Variants in C10orf105 observed in about 807,000 individuals in gnomAD.
The protein encoded by C10orf105 is uncharacterized protein C10orf105.
Under a neutral mutation model 0.6 loss-of-function variants are expected in C10orf105, and 2 were observed. The ratio of observed to expected loss-of-function variants is 3.18; its 90% CI spans 1.30 to 10.01. The LOEUF (loss-of-function observed/expected upper bound fraction) is 10.01. C10orf105 is among the 30% of genes most tolerant of loss of function. The pLI is 0.04. For synonymous variants in C10orf105, 95 were observed against 82.4 expected (o/e 1.15, Z -0.83); for missense variants, 209 against 191.4 (o/e 1.09, Z -0.54).
rs1425637643 is a variant in C10orf105, at chr10:71,713,304, A to C, written c.*2632T>G. ...ACAGCTCCAAGGCTCAGAGGGAGAG[A>C]AGGGAGGACCCTGAAAACAATTTGG... On this transcript the variant is annotated 3_prime_UTR_variant, in exon 2 of 2. Coordinates refer to ENST00000441508, the MANE Select transcript of C10orf105 (RefSeq NM_001164375.3). The C allele has an allele frequency of 2.6e-6, 2 of 779,014 alleles. No individual in the cohort carries two copies. The highest frequency in any genetic ancestry group is 3.4e-5 in the Admixed American group (2 of 58,990). 48.3% of individuals were successfully genotyped at this position (779,014 alleles called of 1,614,324 possible).
At chr10:71,732,502 G>C in intron 1 of C10orf105, 5 of 1,404,796 alleles carry the variant, frequency 3.6e-6, no homozygotes, top group Non-Finnish European at 4.8e-6. Context: ...TGTGGTGTTA[G>C]GTACCTGTAG....
At chr10:71,728,447 A>G (rs1866912494) in intron 1 of C10orf105, among the ~76,000 whole-genome samples, 1 of 151,998 alleles carries the variant, frequency 6.6e-6, no homozygotes, top group Non-Finnish European at 1.5e-5. Flanking sequence ...AGAGTCCTCC[A>G]CTGGTCAGGC....
Position 71,713,462 on chromosome 10 carries a change from C to T in C10orf105, c.*2474G>A, listed in dbSNP as rs1866074707. On this transcript the variant is annotated 3_prime_UTR_variant, in exon 2 of 2. Coordinates refer to ENST00000441508, the MANE Select transcript of C10orf105 (RefSeq NM_001164375.3). ...GCCAAACAGGGAATCTGGGCCTGCC[C>T]ACTGGGGCAGGCTCCCGGGCTTGGG... The T allele has an allele frequency of 6.8e-6, 4 of 587,690 alleles. No homozygotes were observed. Among genetic ancestry groups the T allele is most frequent in the South Asian group, 2.0e-5 (1 of 48,994 alleles). 36.4% of individuals were successfully genotyped at this position (587,690 alleles called of 1,614,324 possible).
At position 71,715,692 on chromosome 10, in the gene C10orf105, A is replaced by G. The variant is rs1015736346; in HGVS notation, c.*244T>C. On this transcript the variant is annotated 3_prime_UTR_variant, in exon 2 of 2. Transcript: ENST00000441508. ...AAGGCCCAGATGACCACGAGTGCAC[A>G]TCTCTTGACCAGAAGTCTTTCATCA... 8 of 380,404 alleles carry G rather than the reference A, an allele frequency of 2.1e-5. No homozygotes were observed. Among genetic ancestry groups the G allele is most frequent in the Admixed American group, 1.7e-4 (4 of 23,674 alleles). 23.6% of individuals were successfully genotyped at this position (380,404 alleles called of 1,614,324 possible). A position where few individuals can be genotyped will look rare whatever the true frequency, so the allele number is the denominator to read the frequency against.
chr10:71,737,593 T>C (rs750852021), intron 1 of C10orf105: 1 of 438,636 alleles, frequency 2.3e-6, no homozygotes, highest in Non-Finnish European at 4.6e-6. Context: ...TGGGAGCCCC[T>C]GAACCCCACA....
At chr10:71,725,988 TA>T (rs1207613664) in intron 1 of C10orf105, among the ~76,000 whole-genome samples, 1 of 152,180 alleles carries the variant, frequency 6.6e-6, no homozygotes, top group African/African-American at 2.4e-5. Context: ...GACCCTAATA[TA>T]TTCCAGTCAC....
At position 71,734,525 on chromosome 10, in the gene C10orf105, C is replaced by A. The variant is rs956901516; in HGVS notation, c.-6+3203G>T. On this transcript the variant is annotated intron_variant, in intron 1 of 1. Coordinates refer to the C10orf105 transcript ENST00000398786. ...CCCAGCAGGTTGGGCTAGGATGAGA[C>A]CTCAGGCAGGTGGAGGGTGGCACCT... The A allele has an allele frequency of 1.8e-5, 29 of 1,601,090 alleles. No homozygotes were observed. In the African/African-American group the frequency reaches 3.1e-4, roughly 17 times the overall value.
upstream of C10orf105, among the ~76,000 whole-genome samples, chr10:71,721,070 C>G (rs1338929743): frequency 6.6e-6 from 1 of 152,228 alleles, no homozygotes; most frequent in East Asian, 1.9e-4. Context: ...CTGTGGCCCC[C>G]ATTCCTCCTG....
intron 1 of C10orf105, chr10:71,717,066 G>A (rs1866291081): frequency 2.0e-5 from 3 of 152,372 alleles, no homozygotes; most frequent in African/African-American, 7.2e-5. Flanking sequence ...GCCCCGTGGG[G>A]ATTCCTGTGA....
At chr10:71,726,822 C>T (rs775926484) in intron 1 of C10orf105, among the ~76,000 whole-genome samples, 3 of 152,346 alleles carry the variant, frequency 2.0e-5, no homozygotes, top group Admixed American at 6.5e-5. Context: ...ATGTGGCCCT[C>T]GCTCCCCGCT....
At chr10:71,717,194 G>A (rs1382341721) in intron 1 of C10orf105, 1 of 152,312 alleles carries the variant, frequency 6.6e-6, no homozygotes, top group Non-Finnish European at 1.5e-5. Context: ...ACAAGCCAGA[G>A]CTCACTCCTT....
At chr10:71,725,689 T>TG (rs1205239235) in intron 1 of C10orf105, among the ~76,000 whole-genome samples, 1 of 152,234 alleles carries the variant, frequency 6.6e-6, no homozygotes, top group African/African-American at 2.4e-5. Flanking sequence ...GCCTGGGACT[T>TG]GGACTTGTCA....
intron 1 of C10orf105, among the ~76,000 whole-genome samples, chr10:71,718,304 C>T (rs1427781370): frequency 2.0e-5 from 3 of 152,262 alleles, no homozygotes; most frequent in Admixed American, 2.0e-4. Flanking sequence ...CAGGACCTCA[C>T]TCCTGGCTCC....
rs771106532 is a variant in C10orf105 at position 71,713,267 on chromosome 10, G to A, written c.*2669C>T. ...AAGAAGAAAGGGCTCCTTTGCCCAG[G>A]GAGCAGGCGCAACAGCTCCAAGGCT... On this transcript the variant is annotated 3_prime_UTR_variant, in exon 2 of 2. Transcript: ENST00000441508. 5 of 779,346 alleles carry A rather than the reference G, an allele frequency of 6.4e-6. No individual in the cohort carries two copies. In the Admixed American group the frequency reaches 6.8e-5, roughly 11 times the overall value. 48.3% of individuals were successfully genotyped at this position (779,346 alleles called of 1,614,324 possible). A position where few individuals can be genotyped will look rare whatever the true frequency, so the allele number is the denominator to read the frequency against.
Position 71,712,530 on chromosome 10 carries a change from C to T in C10orf105, c.*3406G>A. On this transcript the variant is annotated 3_prime_UTR_variant, in exon 2 of 2. Transcript: ENST00000441508. ...TATTCCTAAGCTAAAAAGGAAGTCA[C>T]CCCTTGCAAAGGCTAGGGCAGATGG... 1.2e-6 allele frequency: 1 copy of T among 861,144 alleles called. No homozygotes were observed. The highest frequency in any genetic ancestry group is 1.7e-5 in the South Asian group (1 of 57,902). The allele number at this position is 861,144 out of a possible 1,614,324, so 53.3% of individuals were successfully genotyped here.
At chr10:71,726,845 C>T (rs879295185) in intron 1 of C10orf105, among the ~76,000 whole-genome samples, 3 of 152,344 alleles carry the variant, frequency 2.0e-5, no homozygotes, top group Non-Finnish European at 2.9e-5. Context: ...CTCACCCAGG[C>T]GTGGTGGGCT....
intron 1 of C10orf105, chr10:71,725,426 G>A (rs769597414): frequency 6.2e-7 from 1 of 1,614,010 alleles, no homozygotes; most frequent in Non-Finnish European, 8.5e-7. Context: ...CTGATGCGAG[G>A]GCCCCGGCCC....
upstream of C10orf105, among the ~76,000 whole-genome samples, chr10:71,722,821 G>A (rs1213625026): frequency 6.6e-6 from 1 of 152,180 alleles, no homozygotes; most frequent in East Asian, 1.9e-4. Flanking sequence ...CACGCTTGGT[G>A]TTCAAGAAAC....
chr10:71,737,779 C>T (rs1379153160), exon 1 of C10orf105: 1 of 469,192 alleles, frequency 2.1e-6, no homozygotes, highest in Non-Finnish European at 4.4e-6. Context: ...GGAGGCCTCA[C>T]CCGCGGCAGG....
Sources: gnomAD v4.1 joint callset for allele counts (sites outside exome capture counted in the v4.1 genomes callset) on GRCh38, gnomAD v4.1.1 for gene constraint, MANE v1.5 for transcripts, NCBI Gene and HGNC (gene_info 2026-07-23, HGNC 2026-07-21) for gene names.